The following ZNF273 variants were observed in gnomAD, a reference collection of about 807,000 sequenced individuals.
ZNF273 encodes zinc finger protein 9.
Under a neutral mutation model 14.9 loss-of-function variants are expected in ZNF273, and 11 were observed. That is an observed-to-expected ratio of 0.74 (90% CI 0.46 to 1.22). ZNF273 has a LOEUF of 1.22. Ranked by LOEUF, ZNF273 falls within the 50% of genes most tolerant of loss-of-function variation. ZNF273 has a pLI of 0.00. For synonymous variants in ZNF273, 199 were observed against 223.9 expected, an observed-to-expected ratio of 0.89 and a Z score of 0.99; for missense variants, 577 against 660.6, an observed-to-expected ratio of 0.87 and a Z score of 1.39.
At chr7:64,921,032 A>T (rs1235171127) in intron 3 of ZNF273, among the ~76,000 whole-genome samples, 3 of 146,910 alleles carry the variant, frequency 2.0e-5, no homozygotes, top group East Asian at 2.0e-4. Flanking sequence ...GCTAGTTCAA[A>T]TTTTTCTGTT....
chr7:64,888,302 C>A, intron 1 of ZNF273: 1 of 985,356 alleles, frequency 1.0e-6, no homozygotes, highest in Non-Finnish European at 1.2e-6. Context: ...CTGTGAGCTC[C>A]GTGGCCTCGC....
At chr7:64,917,232 C>A in intron 1 of ZNF273, 1 of 610,154 alleles carries the variant, frequency 1.6e-6, no homozygotes, top group Non-Finnish European at 2.4e-6. Context: ...TTAAAGCTAG[C>A]TTGTAACACA....
chr7:64,916,957 C>G, intron 1 of ZNF273: 1 of 1,185,706 alleles, frequency 8.4e-7, no homozygotes, highest in Non-Finnish European at 1.1e-6. Flanking sequence ...AATCTGGAAG[C>G]TGCCCTTCTT....
chr7:64,914,463 CAT>C (rs1461421380), intron 1 of ZNF273, among the ~76,000 whole-genome samples: 1 of 152,022 alleles, frequency 6.6e-6, no homozygotes, highest in African/African-American at 2.4e-5. Context: ...ATAAGTGCCT[CAT>C]GTGATTCTAG....
Position 64,923,209 on chromosome 7 carries a change from T to C in ZNF273, c.326-4445T>C, listed in dbSNP as rs1018406932. Among the ~76,000 whole-genome samples, 4 of 152,190 alleles carry C rather than the reference T, an allele frequency of 2.6e-5. No homozygotes were observed. In the East Asian group the frequency reaches 7.7e-4, roughly 29 times the overall value. On this transcript the variant is annotated intron_variant, in intron 3 of 3. Coordinates refer to ENST00000476120, the MANE Select transcript of ZNF273 (RefSeq NM_021148.3). The stretch of plus-strand genomic sequence containing the variant: ...ATATCTCATACAAACTCTGTCTTTT[T>C]GTGGCAGCTCATTTTATTTTGCATA...
In ZNF273 at chr7:64,912,846, T is replaced by TTTTTTTTTTTTTTTTTTTTTTTTTTG. The variant is rs1562959220; in HGVS notation, c.103-4735_103-4734insTTTTTTTTTTTTTTTTTTTTTTTTTG. On this transcript the variant is annotated intron_variant, in intron 1 of 3. Transcript: ENST00000476120. The stretch of plus-strand genomic sequence containing the variant: ...TTTTAGTTTTTTTTTTTTTTTTTTT[T>TTTTTTTTTTTTTTTTTTTTTTTTTTG]GAGATTGAGTTTCGCTCTGTCATCC... Among the ~76,000 whole-genome samples, 41 of 98,258 alleles carry TTTTTTTTTTTTTTTTTTTTTTTTTTG rather than the reference T, an allele frequency of 4.2e-4. 10 individuals carry two copies. The highest frequency in any genetic ancestry group is 6.9e-4 in the Non-Finnish European group (27 of 39,246). 64.5% of individuals were successfully genotyped at this position (98,258 alleles called of 152,430 possible). A position where few individuals can be genotyped will look rare whatever the true frequency, so the allele number is the denominator to read the frequency against.
chr7:64,889,090 G>T (rs930117526), downstream of ZNF273: 21 of 985,842 alleles, frequency 2.1e-5, no homozygotes, highest in Non-Finnish European at 2.5e-5. This position sits in a 1 kb window ranked among gnomAD's most constrained non-coding sequence, Gnocchi z 4.2. Flanking sequence ...TTTTGCGGAA[G>T]GCACAGTCCG....
Position 64,917,662 on chromosome 7 carries a change from T to A in ZNF273, c.184T>A (p.Tyr62Asn). The change falls in exon 2 of 4, where the codon TAT becomes AAT. Residue 62 changes from tyrosine to asparagine, a missense_variant. This residue lies in a region of ZNF273 where 162 missense variants were observed against 203.5 expected (regional missense o/e 0.80). Coordinates refer to ENST00000476120, the MANE Select transcript of ZNF273 (RefSeq NM_021148.3). Reference protein sequence around the residue: ...QCLDTSQQNLYRNVMLDNYRN... With the variant: ...QCLDTSQQNLNRNVMLDNYRN... ...CCTGGACACTTCACAGCAGAATTTG[T>A]ATAGGAATGTGATGTTAGATAACTA... The A allele has an allele frequency of 6.3e-7, 1 of 1,599,802 alleles. No homozygotes were observed. Among genetic ancestry groups the A allele is most frequent in the Non-Finnish European group, 8.5e-7 (1 of 1,171,058 alleles).
At chr7:64,924,622 C>T (rs1159486535) in intron 3 of ZNF273, among the ~76,000 whole-genome samples, 2 of 152,074 alleles carry the variant, frequency 1.3e-5, no homozygotes, top group East Asian at 3.9e-4. Flanking sequence ...ACTTAAAGTA[C>T]ATTTTATAAA....
At chr7:64,889,896 A>T, downstream of ZNF273, 1 of 398,816 alleles carries the variant, frequency 2.5e-6, no homozygotes, top group Non-Finnish European at 3.4e-6. The surrounding 1 kb of genome is among the most constrained non-coding windows in gnomAD (Gnocchi z 4.2). Flanking sequence ...GCAGTCAGAG[A>T]CCAAGCCCCC....
At chr7:64,882,158 A>G (rs576223113), downstream of ZNF273, among the ~76,000 whole-genome samples, 19 of 152,274 alleles carry the variant, frequency 1.2e-4, no homozygotes, top group African/African-American at 4.1e-4. Context: ...CTGGGGTCGC[A>G]GGTATGAATC....
At chr7:64,908,939 A>T (rs1339992455) in intron 1 of ZNF273, among the ~76,000 whole-genome samples, 3 of 152,030 alleles carry the variant, frequency 2.0e-5, no homozygotes, top group Admixed American at 6.6e-5. Flanking sequence ...TGGAGACAGG[A>T]TATTCTATTG....
intron 3 of ZNF273, among the ~76,000 whole-genome samples, chr7:64,925,899 A>T (rs899314562): frequency 6.7e-6 from 1 of 149,698 alleles, no homozygotes; most frequent in Non-Finnish European, 1.5e-5. Flanking sequence ...CTGCACCATT[A>T]TGATAATGCT....
upstream of ZNF273, among the ~76,000 whole-genome samples, chr7:64,900,107 C>T (rs1396772790): frequency 2.0e-5 from 3 of 151,288 alleles, no homozygotes; most frequent in African/African-American, 7.3e-5. Flanking sequence ...TATGCTTTTT[C>T]TTTTCTCTCT....
chr7:64,916,323 G>A (rs950014025), intron 1 of ZNF273, among the ~76,000 whole-genome samples: 1 of 144,212 alleles, frequency 6.9e-6, no homozygotes, highest in Non-Finnish European at 1.5e-5. Flanking sequence ...ACAGGAGTTC[G>A]AGACCAGGCT....
chr7:64,925,312 T>G (rs563750848), intron 3 of ZNF273, among the ~76,000 whole-genome samples: 2 of 152,322 alleles, frequency 1.3e-5, no homozygotes, highest in South Asian at 4.1e-4. Context: ...CATTTCTTTC[T>G]TATTTGTGTA....
At chr7:64,911,637 A>G (rs1310343648) in intron 1 of ZNF273, among the ~76,000 whole-genome samples, 1 of 109,702 alleles carries the variant, frequency 9.1e-6, no homozygotes, top group Admixed American at 9.5e-5. Flanking sequence ...TTGAATCGTC[A>G]TTAATCTCGC....
downstream of ZNF273, among the ~76,000 whole-genome samples, chr7:64,931,606 ATTC>A (rs1337199296): frequency 5.9e-5 from 9 of 152,124 alleles, no homozygotes; most frequent in Non-Finnish European, 1.3e-4. Flanking sequence ...TTTTAAAGTT[ATTC>A]TTTCTTTCAC....
exon 4 of ZNF273, chr7:64,898,005 G>C (rs2129050021): frequency 6.6e-6 from 1 of 152,274 alleles, no homozygotes; most frequent in Non-Finnish European, 1.5e-5. Context: ...GGTATTACAG[G>C]CGTGAGCCAC....
Sources: allele counts gnomAD v4.1 joint callset (sites outside exome capture counted in the v4.1 genomes callset), GRCh38; gene constraint gnomAD v4.1.1; regional missense constraint gnomAD v4.1.1; non-coding constraint Gnocchi (gnomAD v3.1); transcripts MANE v1.5; gene names NCBI Gene and HGNC (gene_info 2026-07-23, HGNC 2026-07-21).